The following MYO5A variants were observed in gnomAD, a reference collection of about 807,000 sequenced individuals.
MYO5A encodes myosin VA.
Under a neutral mutation model 249.7 loss-of-function variants are expected in MYO5A, and 98 were observed. The observed-to-expected ratio is 0.39, with a 90% CI of 0.33 to 0.46. The LOEUF (loss-of-function observed/expected upper bound fraction) is 0.46. Ranked by LOEUF, MYO5A falls within the 20% of genes least tolerant of loss-of-function variation. The pLI, the probability that MYO5A is intolerant of heterozygous loss-of-function variation, is 0.98. For missense variants in MYO5A, 1,696 were observed against 2,308.8 expected (o/e 0.73, Z 5.44); for synonymous variants, 778 against 810.6 (o/e 0.96, Z 0.68).
intron 1 of MYO5A, among the ~76,000 whole-genome samples, chr15:52,467,766 G>A (rs984044697): frequency 3.9e-5 from 6 of 151,980 alleles, no homozygotes; most frequent in East Asian, 1.9e-4. Flanking sequence ...ATTTTAAATC[G>A]GCAAGAGAAA....
chr15:52,440,819 T>A (rs899969351), intron 1 of MYO5A, among the ~76,000 whole-genome samples: 11 of 152,286 alleles, frequency 7.2e-5, no homozygotes, highest in Admixed American at 4.6e-4. Context: ...TTCTCTCTTC[T>A]CCCCCTAACT....
chr15:52,466,112 C>A (rs535924039), intron 1 of MYO5A, among the ~76,000 whole-genome samples: 1 of 152,294 alleles, frequency 6.6e-6, no homozygotes, highest in East Asian at 1.9e-4. Context: ...GAAGGAACTG[C>A]TTGAGGAAGT....
At chr15:52,340,435 C>T in intron 31 of MYO5A, 41 bp from the exon 32 acceptor site, 1 of 1,585,660 alleles carries the variant, frequency 6.3e-7, no homozygotes, top group Non-Finnish European at 8.6e-7. Context: ...AGACGACACC[C>T]CGAGTTGCTG....
chr15:52,376,272 T>C (rs1056256377), intron 19 of MYO5A, 75 bp downstream of exon 19: 8 of 1,385,986 alleles, frequency 5.8e-6, no homozygotes, highest in East Asian at 2.3e-5. Flanking sequence ...TTTTCAGCTA[T>C]GGTGACCAGT....
intron 1 of MYO5A, among the ~76,000 whole-genome samples, chr15:52,470,481 G>A (rs28795685): frequency 0.019 from 2,829 of 152,004 alleles, 61 homozygotes; most frequent in African/African-American, 0.053. Flanking sequence ...GAGAAACTCC[G>A]TCTCTACTAA....
intron 1 of MYO5A, among the ~76,000 whole-genome samples, chr15:52,476,001 C>CTCAGTATTATTGTGTGG (rs2076583027): frequency 6.6e-6 from 1 of 152,162 alleles, no homozygotes; most frequent in Non-Finnish European, 1.5e-5. Flanking sequence ...GTTAAAGTCT[C>CTCAGTATTATTGTGTGG]TCAGTATTAT....
At chr15:52,397,576 A>G (rs1431896088) in intron 9 of MYO5A, 110 bp from the exon 10 acceptor site, 8 of 1,241,342 alleles carry the variant, frequency 6.4e-6, no homozygotes, top group Non-Finnish European at 8.2e-6. Flanking sequence ...TCTTTGTTAT[A>G]ACAAACACCA....
At chr15:52,431,752 G>A (rs957878085) in intron 2 of MYO5A, among the ~76,000 whole-genome samples, 11 of 151,690 alleles carry the variant, frequency 7.3e-5, no homozygotes, top group Admixed American at 2.0e-4. Flanking sequence ...TCAGGAGACC[G>A]AGGTGGGAGG....
At chr15:52,342,969 G>A (rs745853261) in intron 31 of MYO5A, 148 bp downstream of exon 31, 2 of 717,942 alleles carry the variant, frequency 2.8e-6, no homozygotes, top group Non-Finnish European at 2.5e-6. Flanking sequence ...TTACTGAAAA[G>A]CTTTGAACAA....
chr15:52,487,168 C>T (rs1370873992), intron 1 of MYO5A, among the ~76,000 whole-genome samples: 2 of 152,146 alleles, frequency 1.3e-5, no homozygotes, highest in Non-Finnish European at 2.9e-5. Flanking sequence ...GTAATGCCAA[C>T]ACTCTGGGAG....
chr15:52,351,292 A>C lies in MYO5A; in HGVS notation c.3811T>G (p.Ser1271Ala). The C allele has an allele frequency of 6.2e-7, 1 of 1,614,128 alleles. No individual in the cohort carries two copies. The highest frequency in any genetic ancestry group is 8.5e-7 in the Non-Finnish European group (1 of 1,180,018). Residue 1271 changes from serine to alanine, a missense_variant, in exon 28 of 42, where the codon TCT becomes GCT. Ser to Ala is a moderately conservative substitution (Grantham distance 99, BLOSUM62 1). Around this residue, in one of 5 missense-constraint regions of MYO5A, gnomAD observed 625 missense variants for 908.1 expected, o/e 0.69. Transcript: ENST00000399233. ...GCCTCTTTCTGGCTCACCAGTTGAG[A>C]CCTTAAGATGAGGACTTCCTCCTTG... The part of the protein sequence containing the change: ...VRKEEVLILR[S>A]QLVSQKEAIQ...
chr15:52,361,002 A>T (rs2040493749), intron 24 of MYO5A, among the ~76,000 whole-genome samples: 1 of 152,184 alleles, frequency 6.6e-6, no homozygotes, highest in Non-Finnish European at 1.5e-5. Context: ...AAAGAGCTAG[A>T]AGCCACAAAG....
At position 52,502,155 on chromosome 15, in the gene MYO5A, C is replaced by A. The variant is rs1013872899; in HGVS notation, c.27+26625G>T. Among the ~76,000 whole-genome samples, 3 of 152,110 alleles carry A rather than the reference C, an allele frequency of 2.0e-5. No homozygotes were observed. In the East Asian group the frequency reaches 5.8e-4, roughly 29 times the overall value. ...AAAATTATCCGGGCATGGCGGCACA[C>A]ACCTGTAATCCCAACTACTCAGGAG... On this transcript the variant is annotated intron_variant, in intron 1 of 41. Coordinates refer to ENST00000399233, the MANE Select transcript of MYO5A (RefSeq NM_001382347.1).
chr15:52,517,774 C>T (rs1204039316), intron 1 of MYO5A, among the ~76,000 whole-genome samples: 1 of 151,990 alleles, frequency 6.6e-6, no homozygotes, highest in Non-Finnish European at 1.5e-5. Context: ...TCTCACAATA[C>T]ATATTAAGTT....
intron 1 of MYO5A, among the ~76,000 whole-genome samples, chr15:52,485,023 C>T (rs1033929347): frequency 6.6e-6 from 1 of 152,028 alleles, no homozygotes; most frequent in South Asian, 2.1e-4. Context: ...CACCCAGCCT[C>T]AATGTTGTCT....
rs535115532 is a variant in MYO5A, at chr15:52,322,065, T to C, written c.4801-556A>G. Among the ~76,000 whole-genome samples the C allele has an allele frequency of 3.3e-5, 5 of 152,314 alleles. No individual in the cohort carries two copies. The East Asian group carries it at 7.7e-4, about 23-fold the overall frequency. Reference sequence around the variant, plus strand: ...GAAGGGAATCTTTGGTGGTATCTGTTAAAATGGAACTGAATGGGCGGCACT... The same window carrying C: ...GAAGGGAATCTTTGGTGGTATCTGTCAAAATGGAACTGAATGGGCGGCACT... On this transcript the variant is annotated intron_variant, in intron 37 of 41. Coordinates refer to ENST00000399233, the MANE Select transcript of MYO5A (RefSeq NM_001382347.1).
intron 1 of MYO5A, among the ~76,000 whole-genome samples, chr15:52,484,605 AG>A (rs1187860799): frequency 1.3e-5 from 2 of 152,190 alleles, no homozygotes; most frequent in African/African-American, 4.8e-5. Flanking sequence ...CAAAAATTGC[AG>A]GTATTTCCTT....
chr15:52,313,435 C>A lies in MYO5A; in HGVS notation c.*261G>T. 1 of 459,568 alleles carries A rather than the reference C, an allele frequency of 2.2e-6. No homozygotes were observed. Among genetic ancestry groups the A allele is most frequent in the South Asian group, 2.3e-5 (1 of 43,800 alleles). 28.5% of individuals were successfully genotyped at this position (459,568 alleles called of 1,614,324 possible). On this transcript the variant is annotated 3_prime_UTR_variant, in exon 42 of 42. Coordinates refer to ENST00000399233, the MANE Select transcript of MYO5A (RefSeq NM_001382347.1). ...TCCTCCTTTCCTTCCTCCCTTCCTT[C>A]CATCATTCTCCTGTATGTAAACTCA... is the stretch of plus-strand genomic sequence containing the variant.
intron 4 of MYO5A, among the ~76,000 whole-genome samples, chr15:52,422,712 A>T (rs1179225688): frequency 2.0e-5 from 3 of 151,912 alleles, no homozygotes; most frequent in Non-Finnish European, 2.9e-5. Flanking sequence ...TTTTTTTGTA[A>T]CTTTACTTTT....
Sources: gnomAD v4.1 joint callset for allele counts (sites outside exome capture counted in the v4.1 genomes callset) on GRCh38, gnomAD v4.1.1 for gene constraint, gnomAD v4.1.1 regional missense constraint, MANE v1.5 for transcripts, NCBI Gene and HGNC (gene_info 2026-07-23, HGNC 2026-07-21) for gene names.